Variants in CLSTN2 observed in about 807,000 individuals in gnomAD.
CLSTN2 encodes the protein calsyntenin-2.
In CLSTN2, 48 loss-of-function variants were observed where a neutral mutation model predicts 101.2. The ratio of observed to expected loss-of-function variants is 0.47; its 90% CI spans 0.38 to 0.60. The LOEUF (loss-of-function observed/expected upper bound fraction) is 0.60. Among genes scored for constraint, CLSTN2 ranks in the 20% least tolerant of loss-of-function variants. The pLI is 0.00. For synonymous variants in CLSTN2, 481 were observed against 463.6 expected (o/e 1.04, Z -0.48); for missense variants, 1,160 against 1,238.2 (o/e 0.94, Z 0.95).
chr3:140,126,071 T>C (rs1179909803), intron 1 of CLSTN2, among the ~76,000 whole-genome samples: 1 of 151,992 alleles, frequency 6.6e-6, no homozygotes, highest in Non-Finnish European at 1.5e-5. Context: ...AATGTGGGGT[T>C]GGTTCAGTGG....
chr3:140,181,424 CTG>C (rs2010406586), intron 2 of CLSTN2, among the ~76,000 whole-genome samples: 2 of 152,040 alleles, frequency 1.3e-5, no homozygotes, highest in African/African-American at 2.4e-5. Flanking sequence ...CAATTATAAT[CTG>C]TGATTTTTTT....
At chr3:140,299,571 C>T (rs577514389) in intron 2 of CLSTN2, among the ~76,000 whole-genome samples, 2 of 152,146 alleles carry the variant, frequency 1.3e-5, no homozygotes, top group African/African-American at 4.8e-5. Context: ...GAGTGTGTAT[C>T]AGTCCTCATC....
intron 2 of CLSTN2, among the ~76,000 whole-genome samples, chr3:140,320,520 C>A (rs1314691126): frequency 1.3e-5 from 2 of 151,452 alleles, no homozygotes; most frequent in Admixed American, 1.3e-4. Flanking sequence ...CACCTCAGGC[C>A]AGTGGGGCTG....
At chr3:139,948,597 G>A (rs1935247150) in intron 1 of CLSTN2, among the ~76,000 whole-genome samples, 1 of 152,310 alleles carries the variant, frequency 6.6e-6, no homozygotes, top group African/African-American at 2.4e-5. Context: ...GAGGCCATTT[G>A]ATTGGAAGTG....
At chr3:140,137,135 T>A (rs1166838679) in intron 1 of CLSTN2, among the ~76,000 whole-genome samples, 2 of 152,120 alleles carry the variant, frequency 1.3e-5, no homozygotes, top group Non-Finnish European at 2.9e-5. Context: ...AGAGAACCAT[T>A]GGTGAGGGAT....
chr3:140,451,629 C>G (rs555546574), intron 6 of CLSTN2, among the ~76,000 whole-genome samples: 1 of 152,178 alleles, frequency 6.6e-6, no homozygotes, highest in African/African-American at 2.4e-5. Context: ...GATGCAAATC[C>G]GATCCTGGGG....
rs1388230551 is a variant in CLSTN2 at position 140,187,962 on chromosome 3, C to A, written c.232+11889C>A. Among the ~76,000 whole-genome samples the A allele has an allele frequency of 2.0e-5, 3 of 152,124 alleles. No individual in the cohort carries two copies. In the East Asian group the frequency reaches 5.8e-4, roughly 29 times the overall value. ...TGATATCAGCACTGATCAAAGGAAT[C>A]CTTGAGTAGCATTCCTTTGGCTTCC... On this transcript the variant is annotated intron_variant, in intron 2 of 16. Coordinates refer to ENST00000458420, the MANE Select transcript of CLSTN2 (RefSeq NM_022131.3).
In CLSTN2 at chr3:140,455,644, G is replaced by A. The variant is rs1384604854; in HGVS notation, c.974-3877G>A. ...TGCCTGGGGCCCCAGGGACCTTCAC[G>A]GAGGATTCCAAAGGAGCATCTTAAA... On this transcript the variant is annotated intron_variant, in intron 6 of 16. Transcript: ENST00000458420. 4.6e-5 allele frequency among the ~76,000 whole-genome samples: 7 copies of A among 152,208 alleles called. No individual in the cohort carries two copies. In the East Asian group the frequency reaches 1.2e-3, roughly 25 times the overall value.
At chr3:140,023,647 G>T (rs189986254) in intron 1 of CLSTN2, among the ~76,000 whole-genome samples, 48 of 152,246 alleles carry the variant, frequency 3.2e-4, no homozygotes, top group African/African-American at 1.1e-3. Flanking sequence ...GCACACTGGG[G>T]CACCTCTACT....
At chr3:140,012,717 G>C (rs2007113228) in intron 1 of CLSTN2, among the ~76,000 whole-genome samples, 1 of 152,180 alleles carries the variant, frequency 6.6e-6, no homozygotes. Flanking sequence ...AAATAGGAAG[G>C]GTTGGAAATG....
chr3:140,516,863 T>C (rs1307201716), intron 8 of CLSTN2, among the ~76,000 whole-genome samples: 2 of 152,224 alleles, frequency 1.3e-5, no homozygotes, highest in Non-Finnish European at 2.9e-5. Flanking sequence ...CTTTTTGTAT[T>C]TGGATGTCTA....
chr3:140,071,528 A>G (rs2008392255), intron 1 of CLSTN2, among the ~76,000 whole-genome samples: 1 of 152,184 alleles, frequency 6.6e-6, no homozygotes. Flanking sequence ...CAATCCATAC[A>G]TACACAATAA....
chr3:139,997,085 C>T (rs992874056), intron 1 of CLSTN2, among the ~76,000 whole-genome samples: 3 of 150,120 alleles, frequency 2.0e-5, no homozygotes, highest in African/African-American at 4.9e-5. Context: ...AATACCTGAT[C>T]GTGACTGCTG....
At chr3:140,127,002 CTATGTGTCATTA>C (rs1009663169) in intron 1 of CLSTN2, among the ~76,000 whole-genome samples, 12 of 151,678 alleles carry the variant, frequency 7.9e-5, no homozygotes, top group Non-Finnish European at 1.5e-4. Flanking sequence ...AAGGTTATCA[CTATGTGTCATTA>C]TATGTGTCAT....
intron 2 of CLSTN2, among the ~76,000 whole-genome samples, chr3:140,252,431 A>G (rs1208607887): frequency 6.6e-6 from 1 of 152,156 alleles, no homozygotes; most frequent in South Asian, 2.1e-4. Context: ...GAAATGCAGA[A>G]TCTCAGCCCT....
At chr3:140,148,642 A>G (rs1447499545) in intron 1 of CLSTN2, among the ~76,000 whole-genome samples, 1 of 152,230 alleles carries the variant, frequency 6.6e-6, no homozygotes, top group Non-Finnish European at 1.5e-5. Context: ...AGGCTGCTGC[A>G]TTCACTTATG....
chr3:140,377,666 A>G (rs2087931657), intron 2 of CLSTN2, among the ~76,000 whole-genome samples: 1 of 152,228 alleles, frequency 6.6e-6, no homozygotes, highest in African/African-American at 2.4e-5. Context: ...TTTTACAGCT[A>G]TACAGTGTGT....
At chr3:139,991,786 G>A (rs895145488) in intron 1 of CLSTN2, among the ~76,000 whole-genome samples, 6 of 152,208 alleles carry the variant, frequency 3.9e-5, no homozygotes, top group African/African-American at 1.4e-4. Flanking sequence ...AAAAGTCTAA[G>A]TGTGAACTTC....
In CLSTN2 at chr3:140,303,153, T is replaced by G. The variant is rs1339111672; in HGVS notation, c.233-100476T>G. Among the ~76,000 whole-genome samples the G allele has an allele frequency of 2.0e-5, 3 of 152,200 alleles. No individual in the cohort carries two copies. In the East Asian group the frequency reaches 5.8e-4, roughly 29 times the overall value. ...GTTTAGGTTCTAACTGTTCACGAGA[T>G]GAAACAAGAGCATGAACATCTTTGA... On this transcript the variant is annotated intron_variant, in intron 2 of 16. Coordinates refer to ENST00000458420, the MANE Select transcript of CLSTN2 (RefSeq NM_022131.3).
Sources: allele counts gnomAD v4.1 joint callset (sites outside exome capture counted in the v4.1 genomes callset), GRCh38; gene constraint gnomAD v4.1.1; transcripts MANE v1.5; gene names NCBI Gene and HGNC (gene_info 2026-07-23, HGNC 2026-07-21).